ANKUB1: variants seen among roughly 807,000 people sequenced by gnomAD.
The protein encoded by ANKUB1 is ankyrin repeat and ubiquitin domain containing 1.
In ANKUB1, 42 loss-of-function variants were observed where a neutral mutation model predicts 49.3. The observed-to-expected ratio is 0.85, with a 90% CI of 0.67 to 1.10. The LOEUF is 1.10. Among genes scored for constraint, ANKUB1 ranks in the 50% least tolerant of loss-of-function variants. The pLI, the probability that ANKUB1 is intolerant of heterozygous loss-of-function variation, is 0.00. For synonymous variants in ANKUB1, 222 were observed against 231.0 expected (o/e 0.96, Z 0.35); for missense variants, 613 against 642.0 (o/e 0.95, Z 0.49).
intron 5 of ANKUB1, chr3:149,763,994 A>G (rs1210250089): frequency 2.2e-6 from 1 of 456,272 alleles, no homozygotes; most frequent in Admixed American, 2.3e-5. Context: ...CCCTTTCTGT[A>G]AAACAGGAAC....
chr3:149,775,271 A>C (rs1717542989), intron 3 of ANKUB1, among the ~76,000 whole-genome samples: 1 of 152,206 alleles, frequency 6.6e-6, no homozygotes, highest in African/African-American at 2.4e-5. Flanking sequence ...CTGAATATGG[A>C]AATTGTTTCT....
chr3:149,792,445 C>A lies in ANKUB1; in HGVS notation c.-79G>T. On this transcript the variant is annotated 5_prime_UTR_variant, in exon 1 of 6. Transcript: ENST00000446160. ...GGATGGCTAGAAAAATTCCGGTTCA[C>A]AATTAAGGACAAAAATGATAGCCAG... 1 of 1,127,660 alleles carries A rather than the reference C, an allele frequency of 8.9e-7. No homozygotes were observed. The highest frequency in any genetic ancestry group is 3.2e-5 in the Admixed American group (1 of 30,852). The allele number at this position is 1,127,660 out of a possible 1,614,324, so 69.9% of individuals were successfully genotyped here.
chr3:149,781,433 T>C, intron 2 of ANKUB1, among the ~76,000 whole-genome samples: 1 of 152,112 alleles, frequency 6.6e-6, no homozygotes, highest in South Asian at 2.1e-4. Context: ...TTCAGGACAA[T>C]AATATTTTTC....
In ANKUB1 at chr3:149,783,064, A is replaced by G. The variant is rs1289250359; in HGVS notation, c.235-2609T>C. The G allele has an allele frequency of 2.0e-5, 3 of 152,174 alleles. No individual in the cohort carries two copies. The East Asian group carries it at 5.8e-4, about 29-fold the overall frequency. 9.4% of individuals were successfully genotyped at this position (152,174 alleles called of 1,614,324 possible). On this transcript the variant is annotated intron_variant, in intron 2 of 5. Transcript: ENST00000446160. ...GTATCTGGATAATAGTTCTCATTGC[A>G]CTTTTTAACTCTACATACTCACCTT...
chr3:149,786,433 A>AT (rs1384092092), intron 2 of ANKUB1, among the ~76,000 whole-genome samples: 6 of 151,894 alleles, frequency 4.0e-5, no homozygotes, highest in East Asian at 1.9e-4. Flanking sequence ...GGGTTGTTTG[A>AT]TTTTTTCTTG....
intron 2 of ANKUB1, among the ~76,000 whole-genome samples, chr3:149,785,566 C>G (rs961395726): frequency 2.0e-5 from 3 of 152,108 alleles, no homozygotes; most frequent in African/African-American, 7.2e-5. Context: ...CAGCTTCATC[C>G]ATGTCCCTAC....
At chr3:149,790,732 T>A in intron 2 of ANKUB1, 49 bp downstream of exon 2, 1 of 1,494,896 alleles carries the variant, frequency 6.7e-7, no homozygotes, top group Non-Finnish European at 8.9e-7. Context: ...CCCAACTTTA[T>A]TCAAAATGAG....
intron 3 of ANKUB1, among the ~76,000 whole-genome samples, chr3:149,772,268 G>A (rs1171787082): frequency 6.6e-6 from 1 of 152,074 alleles, no homozygotes; most frequent in East Asian, 1.9e-4. Context: ...CGATCCATCC[G>A]CCTTGGCCTC....
At chr3:149,774,638 C>T (rs1228318687) in intron 3 of ANKUB1, among the ~76,000 whole-genome samples, 1 of 152,188 alleles carries the variant, frequency 6.6e-6, no homozygotes, top group African/African-American at 2.4e-5. Flanking sequence ...CTCCATCAGG[C>T]CCTGTATTTT....
At position 149,767,790 on chromosome 3, in the gene ANKUB1, A is replaced by G; in HGVS notation, c.872T>C (p.Leu291Ser). 1 of 1,551,752 alleles carries G rather than the reference A, an allele frequency of 6.4e-7. No individual in the cohort carries two copies. The highest frequency in any genetic ancestry group is 8.7e-7 in the Non-Finnish European group (1 of 1,146,996). ...VFKHKHKDCV[L>S]YLLSKMWSTV... is the part of the protein sequence containing the mutation. Reference sequence around the variant, plus strand: ...GGACCACATTTTACTGAGCAAATATAATACACAGTCTTTATGCTTGTGTTT... The same window carrying G: ...GGACCACATTTTACTGAGCAAATATGATACACAGTCTTTATGCTTGTGTTT... The change falls in exon 5 of 6, where the codon TTA becomes TCA. Residue 291 changes from leucine to serine, a missense_variant. Leu to Ser is a moderately radical substitution (Grantham distance 145). Transcript: ENST00000446160.
chr3:149,763,834 GCTTGATCTGTGTTAA>G, intron 5 of ANKUB1: 2 of 448,166 alleles, frequency 4.5e-6, no homozygotes, highest in South Asian at 3.2e-5. Context: ...CCACATTAGC[GCTTGATCTGTGTTAA>G]CTGCATAATG....
intron 2 of ANKUB1, 99 bp from the exon 3 acceptor site, chr3:149,780,554 G>T (rs1438224155): frequency 2.4e-6 from 2 of 827,014 alleles, no homozygotes; most frequent in Non-Finnish European, 3.9e-6. Flanking sequence ...TCCACGACAT[G>T]GGTGTTAATG....
At chr3:149,784,557 T>C (rs1308751470) in intron 2 of ANKUB1, among the ~76,000 whole-genome samples, 1 of 152,184 alleles carries the variant, frequency 6.6e-6, no homozygotes, top group East Asian at 1.9e-4. Flanking sequence ...CCTTCCCAGA[T>C]TAGTTCTGGG....
At chr3:149,771,371 CTTCA>C (rs1376181681) in intron 3 of ANKUB1, among the ~76,000 whole-genome samples, 11 of 152,202 alleles carry the variant, frequency 7.2e-5, no homozygotes, top group African/African-American at 2.7e-4. Context: ...CTTCACTCTG[CTTCA>C]TTCATTTATT....
rs1559862571 is a variant in ANKUB1, at chr3:149,767,932, T to C, written c.730A>G (p.Ile244Val). The change falls in exon 5 of 6, where the codon ATT becomes GTT. Residue 244 changes from isoleucine to valine, a missense_variant. Ile to Val is a conservative substitution (Grantham distance 29). Coordinates refer to ENST00000446160, the MANE Select transcript of ANKUB1 (RefSeq NM_001144960.3). ...TGGCCTGCTTCTGCGGCTGCATGAATGGGGCATTTAGAGACATCTGCATGA... is the reference window on the plus strand; with the variant it reads ...TGGCCTGCTTCTGCGGCTGCATGAACGGGGCATTTAGAGACATCTGCATGA... Reference protein sequence around the residue: ...ALHADVSKCPIHAAAEAGQLL... With the variant: ...ALHADVSKCPVHAAAEAGQLL... 6 of 1,549,734 alleles carry C rather than the reference T, an allele frequency of 3.9e-6. No homozygotes were observed. The South Asian group carries it at 7.1e-5, about 18-fold the overall frequency.
rs776254788 is a variant in ANKUB1 at position 149,780,442 on chromosome 3, G to T, written c.248C>A (p.Pro83His). The change falls in exon 3 of 6, where the codon CCT becomes CAT. Residue 83 changes from proline to histidine, a missense_variant. Physicochemically the swap from Pro to His is moderately conservative, Grantham distance 77. Coordinates refer to ENST00000446160, the MANE Select transcript of ANKUB1 (RefSeq NM_001144960.3). Reference sequence around the variant, plus strand: ...TACAGCATTGAACACGTATAGAGTAGGCTTGTCTTCTTCCTAAAGGGAAAG... The same window carrying T: ...TACAGCATTGAACACGTATAGAGTATGCTTGTCTTCTTCCTAAAGGGAAAG... ...LKCFVKEEDKPTLYVFNAVTQ... is the reference protein window; with the variant it reads ...LKCFVKEEDKHTLYVFNAVTQ... The T allele has an allele frequency of 3.9e-6, 6 of 1,551,574 alleles. No homozygotes were observed. In the South Asian group the frequency reaches 5.9e-5, roughly 15 times the overall value.
rs142075848 is a variant in ANKUB1 at position 149,775,657 on chromosome 3, A to G, written c.451+4582T>C. Among the ~76,000 whole-genome samples, 412 of 152,236 alleles carry G rather than the reference A, an allele frequency of 2.7e-3. 3 individuals are homozygous for G. The highest frequency in any genetic ancestry group is 9.5e-3 in the African/African-American group (396 of 41,548). ...CTATGAGGTGTTTATAGTGAAGAGT[A>G]CCAATTGGTATCATCTGTAAAGAAA... On this transcript the variant is annotated intron_variant, in intron 3 of 5. Transcript: ENST00000446160.
intron 5 of ANKUB1, chr3:149,763,825 C>T: frequency 2.3e-6 from 1 of 440,208 alleles, no homozygotes; most frequent in South Asian, 1.6e-5. Flanking sequence ...AACCCAAACC[C>T]ACATTAGCGC....
At chr3:149,769,684 T>C (rs1176495088) in intron 4 of ANKUB1, among the ~76,000 whole-genome samples, 1 of 152,240 alleles carries the variant, frequency 6.6e-6, no homozygotes, top group East Asian at 1.9e-4. Context: ...CTATAATTTA[T>C]TGAATGCTGT....
Sources: gnomAD v4.1 joint callset for allele counts (sites outside exome capture counted in the v4.1 genomes callset) on GRCh38, gnomAD v4.1.1 for gene constraint, MANE v1.5 for transcripts, NCBI Gene and HGNC (gene_info 2026-07-23, HGNC 2026-07-21) for gene names.